The following UBE2N variants were observed in gnomAD, a reference collection of about 807,000 sequenced individuals.
The protein encoded by UBE2N is ubiquitin conjugating enzyme E2 N.
For missense variants in UBE2N, 60 were observed against 192.1 expected (o/e 0.31, Z 4.07); for synonymous variants, 70 against 69.2 (o/e 1.01, Z -0.06).
chr12:93,436,540 C>T (rs567902962), intron 1 of UBE2N, among the ~76,000 whole-genome samples: 21 of 152,306 alleles, frequency 1.4e-4, no homozygotes, highest in African/African-American at 4.8e-4. Context: ...AAGTGATTCT[C>T]CTTTATGACA....
At chr12:93,436,288 G>C (rs1008729328) in intron 1 of UBE2N, among the ~76,000 whole-genome samples, 6 of 152,098 alleles carry the variant, frequency 3.9e-5, no homozygotes, top group African/African-American at 1.4e-4. Flanking sequence ...TCTTTTTGTA[G>C]AGACAAGGTC....
rs73216891 is a variant in UBE2N at position 93,407,500 on chromosome 12, G to A, written c.*2539C>T. The A allele has an allele frequency of 0.015, 2,311 of 152,328 alleles. 26 individuals carry two copies. Among genetic ancestry groups the A allele is most frequent in the Non-Finnish European group, 0.019 (1,296 of 68,068 alleles). The allele number at this position is 152,328 out of a possible 1,614,324, so 9.4% of individuals were successfully genotyped here. ...GGGGGAAGGACTAGCAGGTGTGCTC[G>A]GAGGGGACTCTAGCCAACTGGAGAG... On this transcript the variant is annotated 3_prime_UTR_variant, in exon 4 of 4. Transcript: ENST00000318066.
At chr12:93,431,687 A>G (rs564159956) in intron 1 of UBE2N, among the ~76,000 whole-genome samples, 175 of 152,360 alleles carry the variant, frequency 1.1e-3, no homozygotes, top group Non-Finnish European at 2.2e-3. Context: ...CAGACTAAAT[A>G]TGAATTTCAT....
chr12:93,425,669 C>T (rs1592747038), intron 1 of UBE2N, among the ~76,000 whole-genome samples: 1 of 152,076 alleles, frequency 6.6e-6, no homozygotes, highest in East Asian at 1.9e-4. Flanking sequence ...AAATAGTAGG[C>T]CTAGCCAAGC....
intron 1 of UBE2N, among the ~76,000 whole-genome samples, chr12:93,438,747 CAG>C (rs1465685282): frequency 7.9e-5 from 12 of 152,006 alleles, no homozygotes; most frequent in Non-Finnish European, 1.2e-4. Flanking sequence ...GTTTGAAAGA[CAG>C]GGGGGAAAGT....
chr12:93,440,650 A>AT (rs1286941283), intron 1 of UBE2N, among the ~76,000 whole-genome samples: 2 of 152,218 alleles, frequency 1.3e-5, no homozygotes, highest in African/African-American at 4.8e-5. Context: ...TCACCAGGTT[A>AT]TATCAAGCAA....
At chr12:93,431,398 CCA>C (rs1165269886) in intron 1 of UBE2N, among the ~76,000 whole-genome samples, 1 of 152,162 alleles carries the variant, frequency 6.6e-6, no homozygotes, top group Non-Finnish European at 1.5e-5. Flanking sequence ...TCTTCAGTAT[CCA>C]CAGTCTACAG....
At chr12:93,431,032 G>C (rs931679217) in intron 1 of UBE2N, among the ~76,000 whole-genome samples, 3 of 151,424 alleles carry the variant, frequency 2.0e-5, no homozygotes, top group African/African-American at 7.3e-5. Flanking sequence ...TTCGAGACCA[G>C]CCTGGCCAAC....
intron 3 of UBE2N, chr12:93,410,480 G>A (rs1021119511): frequency 3.4e-6 from 2 of 582,386 alleles, no homozygotes; most frequent in African/African-American, 3.7e-5. Context: ...TAGATAAATG[G>A]TATGCACTCA....
Position 93,408,069 on chromosome 12 carries a change from A to G in UBE2N, c.*1970T>C, listed in dbSNP as rs891778242. ...TTAAATCTGGAATTTCATGGTTTGT[A>G]AATCACTATGTGATACTAGCTATAA... On this transcript the variant is annotated 3_prime_UTR_variant, in exon 4 of 4. Transcript: ENST00000318066. 6.6e-6 allele frequency: 1 copy of G among 152,240 alleles called. No homozygotes were observed. The highest frequency in any genetic ancestry group is 6.5e-5 in the Admixed American group (1 of 15,276). The allele number at this position is 152,240 out of a possible 1,614,324, so 9.4% of individuals were successfully genotyped here. A position where few individuals can be genotyped will look rare whatever the true frequency, so the allele number is the denominator to read the frequency against.
At chr12:93,432,168 G>A (rs1878790673) in intron 1 of UBE2N, among the ~76,000 whole-genome samples, 1 of 152,136 alleles carries the variant, frequency 6.6e-6, no homozygotes, top group African/African-American at 2.4e-5. Flanking sequence ...GGAGGCAGAG[G>A]TTGCAGTGAG....
chr12:93,426,456 G>GT (rs1878588453), intron 1 of UBE2N, among the ~76,000 whole-genome samples: 5 of 149,322 alleles, frequency 3.3e-5, no homozygotes, highest in Admixed American at 3.3e-4. Flanking sequence ...TTTGAATAGT[G>GT]TAAGTAAACA....
chr12:93,438,383 A>G (rs1879000010), intron 1 of UBE2N, among the ~76,000 whole-genome samples: 1 of 152,156 alleles, frequency 6.6e-6, no homozygotes, highest in South Asian at 2.1e-4. Context: ...ATGAGCTAAG[A>G]ACGGAACAAC....
At position 93,406,800 on chromosome 12, in the gene UBE2N, G is replaced by A. The variant is rs981624942; in HGVS notation, c.*3239C>T. 3.9e-5 allele frequency: 6 copies of A among 152,264 alleles called. No homozygotes were observed. The highest frequency in any genetic ancestry group is 9.6e-5 in the African/African-American group (4 of 41,546). The allele number at this position is 152,264 out of a possible 1,614,324, so 9.4% of individuals were successfully genotyped here. ...TTATTCCAGAGACTTGAGCATCTGCGAATTTGGATATCCAAAGGAAGTCCT... is the reference window on the plus strand; with the variant it reads ...TTATTCCAGAGACTTGAGCATCTGCAAATTTGGATATCCAAAGGAAGTCCT... On this transcript the variant is annotated 3_prime_UTR_variant, in exon 4 of 4. Coordinates refer to ENST00000318066, the MANE Select transcript of UBE2N (RefSeq NM_003348.4).
chr12:93,410,326 G>A, intron 3 of UBE2N: 1 of 505,942 alleles, frequency 2.0e-6, no homozygotes, highest in Non-Finnish European at 3.5e-6. Context: ...TCCATTTCTA[G>A]ATACACAATT....
At chr12:93,420,385 G>A (rs1479151405) in intron 1 of UBE2N, among the ~76,000 whole-genome samples, 2 of 152,120 alleles carry the variant, frequency 1.3e-5, no homozygotes, top group Non-Finnish European at 2.9e-5. Context: ...TTGGGAGCTG[G>A]AGGGACTTCT....
intron 3 of UBE2N, 78 bp from the exon 4 acceptor site, chr12:93,410,157 A>G: frequency 7.4e-7 from 1 of 1,358,194 alleles, no homozygotes; most frequent in Non-Finnish European, 1.0e-6. Flanking sequence ...ATGGCAAACA[A>G]CCACTATTAA....
intron 1 of UBE2N, among the ~76,000 whole-genome samples, chr12:93,428,120 A>T (rs11107021): frequency 0.12 from 17,764 of 152,000 alleles, 1,366 homozygotes; most frequent in East Asian, 0.18. Flanking sequence ...GGGCTTCTTC[A>T]TGTTGCCCAG....
At chr12:93,433,603 A>G (rs1878834055) in intron 1 of UBE2N, among the ~76,000 whole-genome samples, 1 of 152,182 alleles carries the variant, frequency 6.6e-6, no homozygotes, top group South Asian at 2.1e-4. Context: ...ATATAATATT[A>G]TTACATAAAC....
Sources: gnomAD v4.1 joint callset for allele counts (sites outside exome capture counted in the v4.1 genomes callset) on GRCh38, gnomAD v4.1.1 for gene constraint, MANE v1.5 for transcripts, NCBI Gene and HGNC (gene_info 2026-07-23, HGNC 2026-07-21) for gene names.